The following GLB1L3 variants were observed in gnomAD, a reference collection of about 807,000 sequenced individuals.
The protein encoded by GLB1L3 is beta-galactosidase-1-like protein 3.
GLB1L3 carries 89 observed loss-of-function variants against 89.5 expected under a neutral mutation model. That is an observed-to-expected ratio of 0.99 (90% CI 0.84 to 1.19). The LOEUF (loss-of-function observed/expected upper bound fraction) is 1.19, where lower values mean the gene tolerates loss of function less well. Among genes scored for constraint, GLB1L3 ranks in the 50% most tolerant of loss-of-function variants. The pLI is 0.00. For missense variants in GLB1L3, 812 were observed against 813.3 expected (o/e 1.00, Z 0.02); for synonymous variants, 314 against 312.3 (o/e 1.01, Z -0.06).
chr11:134,277,611 C>T, intron 2 of GLB1L3, 89 bp from the exon 3 acceptor site: 1 of 1,527,692 alleles, frequency 6.5e-7, no homozygotes, highest in Non-Finnish European at 9.0e-7. Flanking sequence ...ACAAAAACTT[C>T]TTTTCGCTAG....
chr11:134,312,675 C>T (rs1346030729), intron 14 of GLB1L3, 141 bp from the exon 15 acceptor site: 2 of 962,124 alleles, frequency 2.1e-6, no homozygotes, highest in South Asian at 1.5e-5. Flanking sequence ...TCTCTTGGGG[C>T]CTCCAGGCAG....
At chr11:134,308,508 C>CCACCACCATCACCATCACCATCAT (rs1565414201) in intron 10 of GLB1L3, among the ~76,000 whole-genome samples, 10 of 91,818 alleles carry the variant, frequency 1.1e-4, no homozygotes, top group Admixed American at 2.2e-4. Flanking sequence ...AATACCACCA[C>CCACCACCATCACCATCACCATCAT]CACCACCACC....
At chr11:134,292,653 T>G (rs1008762478) in intron 8 of GLB1L3, 23 of 228,978 alleles carry the variant, frequency 1.0e-4, no homozygotes, top group Middle Eastern at 1.6e-3. Flanking sequence ...AGGCTCTGTG[T>G]GGACACTTAG....
chr11:134,324,375 C>G (rs865974329), downstream of GLB1L3, among the ~76,000 whole-genome samples: 9 of 152,242 alleles, frequency 5.9e-5, no homozygotes, highest in Middle Eastern at 3.4e-3. Context: ...GAAGTCATAA[C>G]TTGGGCAGAT....
In GLB1L3 at chr11:134,313,596, G is replaced by T; in HGVS notation, c.1579+122G>T. On this transcript the variant is annotated intron_variant, in intron 16 of 19. Transcript: ENST00000431683. ...CTCAGCAGTGGGCTACCCAGGCCCT[G>T]GGAGCAGAGATGCAAAATCGGCCCC... is the stretch of plus-strand genomic sequence containing the variant. 3 of 869,718 alleles carry T rather than the reference G, an allele frequency of 3.4e-6. No individual in the cohort carries two copies. The South Asian group carries it at 4.8e-5, about 14-fold the overall frequency. 53.9% of individuals were successfully genotyped at this position (869,718 alleles called of 1,614,324 possible).
chr11:134,282,167 G>C (rs1273242612), intron 5 of GLB1L3, 47 bp downstream of exon 5: 1 of 1,503,786 alleles, frequency 6.6e-7, no homozygotes, highest in South Asian at 1.3e-5. Context: ...TGAAGTATTT[G>C]CTTTAAAAAA....
At chr11:134,308,424 A>T (rs1591579723) in intron 10 of GLB1L3, among the ~76,000 whole-genome samples, 2 of 101,688 alleles carry the variant, frequency 2.0e-5, no homozygotes, top group Non-Finnish European at 3.8e-5. Context: ...CACCATCATC[A>T]CCATCACCAC....
At chr11:134,318,041 G>A (rs1943054108) in intron 18 of GLB1L3, among the ~76,000 whole-genome samples, 1 of 152,028 alleles carries the variant, frequency 6.6e-6, no homozygotes, top group Non-Finnish European at 1.5e-5. Context: ...AATGCCTTAT[G>A]TTTTTGATGC....
chr11:134,308,499 A>C (rs1211415454), intron 10 of GLB1L3, among the ~76,000 whole-genome samples: 46 of 5,512 alleles, frequency 8.3e-3, no homozygotes, highest in African/African-American at 0.026. Flanking sequence ...TCACCACCAA[A>C]TACCACCACC....
chr11:134,286,667 C>T (rs961931182), intron 6 of GLB1L3, among the ~76,000 whole-genome samples: 32 of 150,728 alleles, frequency 2.1e-4, no homozygotes, highest in Middle Eastern at 3.5e-3. Flanking sequence ...GTCCCAGCTA[C>T]TCGGGAGGCT....
intron 7 of GLB1L3, among the ~76,000 whole-genome samples, chr11:134,289,698 G>A (rs1941230527): frequency 6.6e-6 from 1 of 152,198 alleles, no homozygotes; most frequent in African/African-American, 2.4e-5. Flanking sequence ...CTCTCAGCTT[G>A]AAGCTTTCTG....
intron 10 of GLB1L3, 98 bp downstream of exon 10, chr11:134,307,306 C>T (rs1942249540): frequency 1.2e-5 from 11 of 883,320 alleles, no homozygotes; most frequent in Non-Finnish European, 2.0e-5. Context: ...ACTTGATCAG[C>T]CGTAGATATT....
At chr11:134,324,276 TTAA>T (rs1439151327), downstream of GLB1L3, among the ~76,000 whole-genome samples, 7 of 152,338 alleles carry the variant, frequency 4.6e-5, no homozygotes, top group East Asian at 1.3e-3. Flanking sequence ...CATGGATATT[TTAA>T]TAATATCACT....
intron 7 of GLB1L3, among the ~76,000 whole-genome samples, chr11:134,291,225 T>A (rs1323332640): frequency 1.3e-5 from 2 of 151,528 alleles, no homozygotes; most frequent in East Asian, 3.9e-4. Flanking sequence ...GTTCTTGACA[T>A]AAAATTGTGT....
At position 134,312,799 on chromosome 11, in the gene GLB1L3, C is replaced by T. The variant is rs369828108; in HGVS notation, c.1429-17C>T. ...TCGGGTGGGCCTAGCAGTCTGACGC[C>T]GGCTCTTCTTTTGCAGGTGTTTTTG... On this transcript the variant is annotated splice_polypyrimidine_tract_variant and intron_variant, in intron 14 of 19. Coordinates refer to ENST00000431683, the MANE Select transcript of GLB1L3 (RefSeq NM_001080407.3). The T allele has an allele frequency of 7.0e-5, 113 of 1,604,582 alleles. No homozygotes were observed. The African/African-American group carries it at 1.2e-3, about 17-fold the overall frequency.
At position 134,314,433 on chromosome 11, in the gene GLB1L3, A is replaced by AGCC; in HGVS notation, c.1772_1774dup (p.Ser591_Leu592insArg). ...CCCTTCTCCCAAGGACACCTTCCTG[A>AGCC]GCCTGCTGGTAGGTGATGCCCTCTG... On this transcript the variant is annotated inframe_insertion, in exon 18 of 20. Transcript: ENST00000431683. 1 of 1,545,536 alleles carries AGCC rather than the reference A, an allele frequency of 6.5e-7. No homozygotes were observed. The highest frequency in any genetic ancestry group is 8.8e-7 in the Non-Finnish European group (1 of 1,141,388).
chr11:134,294,047 A>G (rs1481076496), intron 9 of GLB1L3, among the ~76,000 whole-genome samples: 1 of 149,324 alleles, frequency 6.7e-6, no homozygotes, highest in African/African-American at 2.5e-5. Flanking sequence ...GACTCATGAA[A>G]CTTACTTCTT....
intron 6 of GLB1L3, 39 bp downstream of exon 6, chr11:134,283,884 CT>C: frequency 8.3e-7 from 1 of 1,201,268 alleles, no homozygotes; most frequent in Non-Finnish European, 1.2e-6. Context: ...CTTACGTGCC[CT>C]TTAGGGAAAG....
At chr11:134,308,422 TCACCATCACCACCACCAC>T (rs1565413658) in intron 10 of GLB1L3, among the ~76,000 whole-genome samples, 16 of 36,480 alleles carry the variant, frequency 4.4e-4, no homozygotes, top group Admixed American at 7.3e-4. Context: ...ACCACCATCA[TCACCATCACCACCACCAC>T]CACCATCACC....
Sources: gnomAD v4.1 joint callset for allele counts (sites outside exome capture counted in the v4.1 genomes callset) on GRCh38, gnomAD v4.1.1 for gene constraint, MANE v1.5 for transcripts, NCBI Gene and HGNC (gene_info 2026-07-23, HGNC 2026-07-21) for gene names.